MIPOL1: variants seen among roughly 807,000 people sequenced by gnomAD.
MIPOL1 encodes mirror-image polydactyly gene 1 protein.
Under a neutral mutation model 60.9 loss-of-function variants are expected in MIPOL1, and 57 were observed. The ratio of observed to expected loss-of-function variants is 0.94; its 90% CI spans 0.76 to 1.17. The LOEUF (loss-of-function observed/expected upper bound fraction) is 1.17. Ranked by LOEUF, MIPOL1 falls within the 50% of genes most tolerant of loss-of-function variation. MIPOL1 has a pLI of 0.00. For synonymous variants in MIPOL1, 179 were observed against 168.8 expected (o/e 1.06, Z -0.47); for missense variants, 551 against 511.6 (o/e 1.08, Z -0.74).
chr14:37,338,106 T>C (rs922887025), intron 9 of MIPOL1, among the ~76,000 whole-genome samples: 6 of 107,076 alleles, frequency 5.6e-5, no homozygotes, highest in African/African-American at 2.1e-4. Flanking sequence ...TTATTTAATT[T>C]AATTTTTTTT....
chr14:37,210,812 G>C (rs1201990356), intron 1 of MIPOL1, among the ~76,000 whole-genome samples: 1 of 152,156 alleles, frequency 6.6e-6, no homozygotes. Flanking sequence ...GTTATCATTT[G>C]ACTACAGCTA....
At chr14:37,491,944 G>A (rs2095053732) in intron 11 of MIPOL1, among the ~76,000 whole-genome samples, 1 of 152,062 alleles carries the variant, frequency 6.6e-6, no homozygotes, top group Admixed American at 6.6e-5. Flanking sequence ...TCAGAATTAA[G>A]GCCTATTATA....
intron 12 of MIPOL1, among the ~76,000 whole-genome samples, chr14:37,546,591 C>T (rs2095548370): frequency 6.6e-6 from 1 of 152,130 alleles, no homozygotes; most frequent in African/African-American, 2.4e-5. Context: ...CCTGTCATTG[C>T]ATAGTAAATG....
intron 12 of MIPOL1, among the ~76,000 whole-genome samples, chr14:37,519,979 C>T (rs1001934283): frequency 6.6e-6 from 1 of 152,096 alleles, no homozygotes; most frequent in Non-Finnish European, 1.5e-5. Context: ...TTATTTCAAT[C>T]ATCTTTTATA....
At position 37,326,414 on chromosome 14, in the gene MIPOL1, T is replaced by C. The variant is rs369454686; in HGVS notation, c.828+17895T>C. 5.3e-5 allele frequency among the ~76,000 whole-genome samples: 8 copies of C among 152,238 alleles called. No homozygotes were observed. The East Asian group carries it at 9.6e-4, about 18-fold the overall frequency. ...GGCATTCTGTAAGTTCACAGACAGT[T>C]TTTTTTTGGCAGAAGCATTGTGTGT... On this transcript the variant is annotated intron_variant, in intron 9 of 12. Transcript: ENST00000684589.
At chr14:37,434,277 T>C (rs2094127030) in intron 11 of MIPOL1, among the ~76,000 whole-genome samples, 2 of 152,218 alleles carry the variant, frequency 1.3e-5, no homozygotes, top group African/African-American at 4.8e-5. Flanking sequence ...ATTTCTCTAA[T>C]GACCAATGGT....
intron 7 of MIPOL1, among the ~76,000 whole-genome samples, chr14:37,297,971 A>G (rs934395685): frequency 5.9e-5 from 9 of 152,206 alleles, no homozygotes; most frequent in African/African-American, 2.2e-4. Flanking sequence ...ATGTGGAAGC[A>G]AAAAAGAGCC....
chr14:37,356,502 C>G (rs1021379672), intron 9 of MIPOL1, among the ~76,000 whole-genome samples: 2 of 152,180 alleles, frequency 1.3e-5, no homozygotes, highest in African/African-American at 4.8e-5. Flanking sequence ...GCCCCTCCCC[C>G]AGCCTCGCTG....
rs1293994902 is a variant in MIPOL1 at position 37,332,636 on chromosome 14, G to A, written c.828+24117G>A. Among the ~76,000 whole-genome samples the A allele has an allele frequency of 6.6e-5, 10 of 152,240 alleles. No individual in the cohort carries two copies. The East Asian group carries it at 1.9e-3, about 29-fold the overall frequency. On this transcript the variant is annotated intron_variant, in intron 9 of 12. Coordinates refer to ENST00000684589, the MANE Select transcript of MIPOL1 (RefSeq NM_001388067.1). The stretch of plus-strand genomic sequence containing the variant: ...GAAAATACATTTACAATACTGAACT[G>A]TATTTATCAGTGCCATAAATTTACA...
At chr14:37,314,882 G>T (rs547254959) in intron 9 of MIPOL1, among the ~76,000 whole-genome samples, 23 of 152,214 alleles carry the variant, frequency 1.5e-4, no homozygotes, top group African/African-American at 5.5e-4. Flanking sequence ...AGCATTTAGT[G>T]AAATATTATT....
rs2095556070 is a variant in MIPOL1, at chr14:37,549,386, AAT to A, written c.*2417_*2418del. 1 of 151,698 alleles carries A rather than the reference AAT, an allele frequency of 6.6e-6. No individual in the cohort carries two copies. The highest frequency in any genetic ancestry group is 6.6e-5 in the Admixed American group (1 of 15,242). 9.4% of individuals were successfully genotyped at this position (151,698 alleles called of 1,614,324 possible). ...ATTTGATCCTATCGACAATCATAAT[AAT>A]AATAAATTATATATATAACCCATAT... On this transcript the variant is annotated 3_prime_UTR_variant, in exon 13 of 13. Transcript: ENST00000684589.
intron 10 of MIPOL1, among the ~76,000 whole-genome samples, chr14:37,402,085 G>A (rs959339037): frequency 2.6e-5 from 4 of 152,030 alleles, no homozygotes; most frequent in African/African-American, 7.2e-5. Flanking sequence ...GATTATTTCC[G>A]TTAAGAGAAT....
In MIPOL1 at chr14:37,427,673, G is replaced by T. The variant is rs148656946; in HGVS notation, c.1031+4724G>T. 3.1e-4 allele frequency among the ~76,000 whole-genome samples: 47 copies of T among 152,182 alleles called. 1 individual carries two copies. The highest frequency in any genetic ancestry group is 1.0e-3 in the African/African-American group (43 of 41,516). ...GGGATTAGTTTAAGATTCCTGGGAT[G>T]TACAACTCTAGGACGGGGGAGGAAA... is the stretch of plus-strand genomic sequence containing the variant. On this transcript the variant is annotated intron_variant, in intron 11 of 12. Transcript: ENST00000684589.
intron 10 of MIPOL1, among the ~76,000 whole-genome samples, chr14:37,405,900 GT>G (rs57253765): frequency 1.2e-3 from 174 of 140,668 alleles, no homozygotes; most frequent in East Asian, 2.5e-3. Flanking sequence ...TTTTTTAAGA[GT>G]TTTTTTTTTT....
Position 37,402,139 on chromosome 14 carries a change from A to G in MIPOL1, c.937-20716A>G, listed in dbSNP as rs530903097. On this transcript the variant is annotated intron_variant, in intron 10 of 12. Coordinates refer to ENST00000684589, the MANE Select transcript of MIPOL1 (RefSeq NM_001388067.1). ...GGATATGCATGCTGGGTAAAGCTAAATATCTTTCTGTGATATGATTATATA... is the reference window on the plus strand; with the variant it reads ...GGATATGCATGCTGGGTAAAGCTAAGTATCTTTCTGTGATATGATTATATA... 2.0e-5 allele frequency among the ~76,000 whole-genome samples: 3 copies of G among 152,236 alleles called. No homozygotes were observed. The East Asian group carries it at 5.8e-4, about 29-fold the overall frequency.
intron 11 of MIPOL1, among the ~76,000 whole-genome samples, chr14:37,465,082 A>G (rs1406303855): frequency 6.6e-6 from 1 of 152,164 alleles, no homozygotes; most frequent in Non-Finnish European, 1.5e-5. Context: ...ACTTTATAAT[A>G]AACATTTCAG....
At chr14:37,232,058 G>C (rs1970717901) in intron 1 of MIPOL1, among the ~76,000 whole-genome samples, 1 of 151,986 alleles carries the variant, frequency 6.6e-6, no homozygotes, top group South Asian at 2.1e-4. Flanking sequence ...CTCCAGCCTG[G>C]ATGACAGAGC....
At chr14:37,450,931 T>TA (rs748769397) in intron 11 of MIPOL1, among the ~76,000 whole-genome samples, 1 of 152,094 alleles carries the variant, frequency 6.6e-6, no homozygotes, top group Admixed American at 6.5e-5. Context: ...TGTCTATGAA[T>TA]AAAAAAATAT....
intron 11 of MIPOL1, among the ~76,000 whole-genome samples, chr14:37,474,020 T>C (rs1276483742): frequency 6.6e-6 from 1 of 152,208 alleles, no homozygotes; most frequent in East Asian, 1.9e-4. Flanking sequence ...AATCACACAG[T>C]ATGTAGCCTT....
Sources: gnomAD v4.1 joint callset for allele counts (sites outside exome capture counted in the v4.1 genomes callset) on GRCh38, gnomAD v4.1.1 for gene constraint, MANE v1.5 for transcripts, NCBI Gene and HGNC (gene_info 2026-07-23, HGNC 2026-07-21) for gene names.